Variants in MYO3A observed in about 807,000 individuals in gnomAD.
The protein encoded by MYO3A is myosin IIIA.
In MYO3A, 180 loss-of-function variants were observed where a neutral mutation model predicts 192.7. That is an observed-to-expected ratio of 0.93 (90% CI 0.83 to 1.06). The LOEUF is 1.06. Among genes scored for constraint, MYO3A ranks in the 50% least tolerant of loss-of-function variants. The pLI, the probability that MYO3A is intolerant of heterozygous loss-of-function variation, is 0.00. For synonymous variants in MYO3A, 628 were observed against 645.3 expected (o/e 0.97, Z 0.41); for missense variants, 1,896 against 1,905.0 (o/e 1.00, Z 0.09).
At chr10:26,176,992 T>C in intron 31 of MYO3A, 147 bp downstream of exon 31, 1 of 934,910 alleles carries the variant, frequency 1.1e-6, no homozygotes, top group East Asian at 2.6e-5. Flanking sequence ...TATATGGAGA[T>C]ACAGTTTTTT....
In MYO3A at chr10:26,157,397, A is replaced by G. The variant is rs1161192487; in HGVS notation, c.2881A>G (p.Arg961Gly). Residue 961 changes from arginine (R) to glycine (G), a missense_variant, in exon 26 of 35, where the codon AGA becomes GGA. Physicochemically the swap from Arg to Gly is moderately radical, Grantham distance 125. Transcript: ENST00000642920. ...CAAACCAAATAGTGAGCGTCAGGCA[A>G]GAAAATATGACAAAGAGAAAGTTCT... ...CIKPNSERQA[R>G]KYDKEKVLLQ... 1 of 1,614,188 alleles carries G rather than the reference A, an allele frequency of 6.2e-7. No individual in the cohort carries two copies. Among genetic ancestry groups the G allele is most frequent in the Non-Finnish European group, 8.5e-7 (1 of 1,180,008 alleles).
chr10:25,978,234 G>T (rs1839079561), intron 4 of MYO3A, among the ~76,000 whole-genome samples: 1 of 152,044 alleles, frequency 6.6e-6, no homozygotes, highest in Non-Finnish European at 1.5e-5. Context: ...TGTTTATTTG[G>T]AATAGGAATG....
At chr10:25,936,808 C>A (rs1836100549) in intron 2 of MYO3A, among the ~76,000 whole-genome samples, 1 of 152,056 alleles carries the variant, frequency 6.6e-6, no homozygotes, top group African/African-American at 2.4e-5. Flanking sequence ...TAATGCTTTT[C>A]TAAAGGGCTT....
intron 4 of MYO3A, among the ~76,000 whole-genome samples, chr10:25,968,681 C>T (rs139682514): frequency 1.5e-3 from 236 of 152,320 alleles, no homozygotes; most frequent in Non-Finnish European, 2.7e-3. Context: ...CAATTTCAGT[C>T]ACCTGTGGTC....
intron 4 of MYO3A, 75 bp from the exon 5 acceptor site, chr10:25,996,415 C>T (rs1021398468): frequency 1.6e-6 from 2 of 1,234,434 alleles, no homozygotes; most frequent in African/African-American, 1.5e-5. Flanking sequence ...TTAAAAATGT[C>T]TTGGAAGAAC....
At position 26,096,391 on chromosome 10, in the gene MYO3A, A is replaced by T. The variant is rs775770061; in HGVS notation, c.1573A>T (p.Asn525Tyr). ...TATCTTTTTTTCCAGTGGAGAAAAA[A>T]ATTTTCATATTTTTTACTACATTTA... ...RVIHQAIGEK[N>Y]FHIFYYIYAG... The change falls in exon 16 of 35, where the codon AAT becomes TAT. Residue 525 changes from asparagine to tyrosine, a missense_variant. Asn to Tyr is a moderately radical substitution (Grantham distance 143). Coordinates refer to ENST00000642920, the MANE Select transcript of MYO3A (RefSeq NM_017433.5). 49 of 1,610,414 alleles carry T rather than the reference A, an allele frequency of 3.0e-5. No homozygotes were observed. The highest frequency in any genetic ancestry group is 5.0e-5 in the Admixed American group (3 of 59,894).
Position 26,173,675 on chromosome 10 carries a change from G to A in MYO3A, c.3411G>A (p.Val1137=), listed in dbSNP as rs773143946. ...KNFENTRESF[V]KKQAENAISA... ...ATATTTTACACAGGGAATCTTTCGT[G>A]AAGAAACAAGCAGAAAATGCAATCT... The change falls in exon 30 of 35, where the codon GTG becomes GTA. Residue 1137 remains valine (V), a synonymous_variant. Coordinates refer to ENST00000642920, the MANE Select transcript of MYO3A (RefSeq NM_017433.5). 171 of 1,613,272 alleles carry A rather than the reference G, an allele frequency of 1.1e-4. No individual in the cohort carries two copies. The highest frequency in any genetic ancestry group is 1.4e-4 in the Non-Finnish European group (166 of 1,179,652).
At chr10:26,169,856 A>G (rs1190133369) in intron 28 of MYO3A, among the ~76,000 whole-genome samples, 1 of 152,242 alleles carries the variant, frequency 6.6e-6, no homozygotes, top group East Asian at 1.9e-4. Context: ...CTTTGGCAGT[A>G]AAACATAGCA....
intron 17 of MYO3A, among the ~76,000 whole-genome samples, chr10:26,104,441 AGATT>A (rs1476964538): frequency 2.6e-5 from 4 of 152,130 alleles, no homozygotes; most frequent in African/African-American, 9.7e-5. Context: ...ATTGTTGGAA[AGATT>A]ATCCTTTCCC....
chr10:26,059,696 T>TA (rs1333207278), intron 10 of MYO3A, among the ~76,000 whole-genome samples: 4 of 152,270 alleles, frequency 2.6e-5, no homozygotes, highest in African/African-American at 7.2e-5. Context: ...TTGTGTTTTT[T>TA]AAAAATATTT....
intron 10 of MYO3A, among the ~76,000 whole-genome samples, chr10:26,059,639 T>C (rs1834335153): frequency 6.6e-6 from 1 of 152,262 alleles, no homozygotes; most frequent in African/African-American, 2.4e-5. Context: ...CCCTCCTTGC[T>C]ATTTCCACTT....
intron 7 of MYO3A, among the ~76,000 whole-genome samples, chr10:26,018,201 C>G (rs1842087742): frequency 6.6e-6 from 1 of 151,170 alleles, no homozygotes; most frequent in Non-Finnish European, 1.5e-5. Flanking sequence ...CTTGAAAGTT[C>G]TTTCTGGCTT....
chr10:26,174,498 A>G lies in MYO3A; in HGVS notation c.4234A>G (p.Lys1412Glu). 1 of 1,614,074 alleles carries G rather than the reference A, an allele frequency of 6.2e-7. No homozygotes were observed. Among genetic ancestry groups the G allele is most frequent in the Non-Finnish European group, 8.5e-7 (1 of 1,180,012 alleles). The part of the protein sequence containing the change: ...EINNIKKKDN[K>E]DSKATSEREA... ...CAATAACATCAAGAAGAAGGATAAC[A>G]AAGACTCGAAAGCAACTTCAGAAAG... The change falls in exon 30 of 35, where the codon AAA becomes GAA. Residue 1412 changes from lysine to glutamate, a missense_variant. Lys to Glu is a moderately conservative substitution (Grantham distance 56). Transcript: ENST00000642920.
chr10:26,072,345 G>A (rs12267024), intron 14 of MYO3A, among the ~76,000 whole-genome samples: 72,073 of 151,878 alleles, frequency 0.47, 17,889 homozygotes, highest in Middle Eastern at 0.59. Flanking sequence ...TGCTGCGCAG[G>A]AAGCCAATGA....
chr10:25,979,566 T>C (rs923799045), intron 4 of MYO3A, among the ~76,000 whole-genome samples: 1 of 148,494 alleles, frequency 6.7e-6, no homozygotes, highest in Non-Finnish European at 1.5e-5. Context: ...TGTCAACATA[T>C]ATGACAGCAG....
chr10:26,086,802 G>C (rs972775580), intron 14 of MYO3A, among the ~76,000 whole-genome samples: 5 of 152,168 alleles, frequency 3.3e-5, no homozygotes, highest in African/African-American at 1.2e-4. Context: ...TCCTGGTGTA[G>C]AGGAGCTGAA....
At chr10:26,176,943 G>A in intron 31 of MYO3A, 98 bp downstream of exon 31, 2 of 1,393,502 alleles carry the variant, frequency 1.4e-6, no homozygotes, top group Non-Finnish European at 2.0e-6. Context: ...GATTTGAGGA[G>A]CCTGTGTCCT....
chr10:26,050,896 A>G (rs997660760), intron 10 of MYO3A, among the ~76,000 whole-genome samples: 4 of 152,212 alleles, frequency 2.6e-5, no homozygotes, highest in African/African-American at 9.7e-5. Flanking sequence ...ACTCCTCTTA[A>G]CAGGTAGGAT....
In MYO3A at chr10:26,173,948, G is replaced by C. The variant is rs927199184; in HGVS notation, c.3684G>C (p.Arg1228Ser). ...VKDLEENSNL[R>S]KVEKEEAMIQ... ...ACCTGGAAGAGAACAGCAATCTAAG[G>C]AAAGTGGAGAAAGAGGAAGCTATGA... is the stretch of plus-strand genomic sequence containing the variant. Residue 1228 changes from arginine (R) to serine (S), a missense_variant, in exon 30 of 35, where the codon AGG (arginine) becomes AGC (serine). Coordinates refer to ENST00000642920, the MANE Select transcript of MYO3A (RefSeq NM_017433.5). 6.2e-7 allele frequency: 1 copy of C among 1,608,762 alleles called. No individual in the cohort carries two copies. Among genetic ancestry groups the C allele is most frequent in the African/African-American group, 1.3e-5 (1 of 74,374 alleles).
Sources: allele counts gnomAD v4.1 joint callset (sites outside exome capture counted in the v4.1 genomes callset), GRCh38; gene constraint gnomAD v4.1.1; transcripts MANE v1.5; gene names NCBI Gene and HGNC (gene_info 2026-07-23, HGNC 2026-07-21).